Variants in GPR39 observed in about 807,000 individuals in gnomAD.
GPR39 encodes the protein G protein-coupled receptor 39.
GPR39 carries 23 observed loss-of-function variants against 18.4 expected under a neutral mutation model. The observed-to-expected ratio is 1.25, with a 90% CI of 0.90 to 1.77. The LOEUF is 1.77. GPR39 is among the 40% of genes most tolerant of loss of function. GPR39 has a pLI of 0.00. For synonymous variants in GPR39, 280 were observed against 257.9 expected (o/e 1.09, Z -0.82); for missense variants, 647 against 602.4 (o/e 1.07, Z -0.78).
intron 1 of GPR39, among the ~76,000 whole-genome samples, chr2:132,539,670 C>T (rs919637819): frequency 2.0e-5 from 3 of 152,110 alleles, no homozygotes; most frequent in African/African-American, 7.2e-5. Flanking sequence ...GGAGTGCTTG[C>T]CTGGGTGGTT....
intron 1 of GPR39, among the ~76,000 whole-genome samples, chr2:132,542,373 C>G (rs1030264053): frequency 1.6e-4 from 25 of 152,330 alleles, no homozygotes; most frequent in African/African-American, 6.0e-4. Flanking sequence ...CCCCACTCTA[C>G]CAGTAACTAT....
chr2:132,441,158 T>C (rs1680431256), intron 1 of GPR39, among the ~76,000 whole-genome samples: 2 of 152,208 alleles, frequency 1.3e-5, no homozygotes, highest in African/African-American at 4.8e-5. Context: ...CCAGCCTCTG[T>C]TCTGGGCCCA....
intron 1 of GPR39, among the ~76,000 whole-genome samples, chr2:132,622,028 G>A (rs113036155): frequency 2.0e-5 from 3 of 152,314 alleles, no homozygotes; most frequent in African/African-American, 7.2e-5. Context: ...GCCCCAGAGG[G>A]TACTCCTGCT....
chr2:132,428,168 C>CT (rs1367279463), intron 1 of GPR39, among the ~76,000 whole-genome samples: 4 of 151,960 alleles, frequency 2.6e-5, no homozygotes, highest in Non-Finnish European at 4.4e-5. Context: ...ATTATTGAAT[C>CT]TCTTACAAGC....
chr2:132,598,458 A>G (rs562032177), intron 1 of GPR39, among the ~76,000 whole-genome samples: 2 of 81,888 alleles, frequency 2.4e-5, no homozygotes, highest in East Asian at 4.8e-4. Flanking sequence ...TTTTTAAGCA[A>G]TGGGGTTTTT....
intron 1 of GPR39, among the ~76,000 whole-genome samples, chr2:132,545,655 C>CAT (rs374356735): frequency 1.3e-5 from 2 of 149,746 alleles, no homozygotes; most frequent in Non-Finnish European, 3.0e-5. Context: ...GTGTGATGGG[C>CAT]GTGTGTGTGT....
chr2:132,563,389 C>T (rs1184316170), intron 1 of GPR39, among the ~76,000 whole-genome samples: 1 of 152,096 alleles, frequency 6.6e-6, no homozygotes, highest in Non-Finnish European at 1.5e-5. Flanking sequence ...TTGAGGCCAG[C>T]CTGGGAAACA....
Position 132,646,135 on chromosome 2 carries a change from C to G in GPR39, c.*529C>G. 6.2e-7 allele frequency: 1 copy of G among 1,611,016 alleles called. No individual in the cohort carries two copies. Among genetic ancestry groups the G allele is most frequent in the Non-Finnish European group, 8.5e-7 (1 of 1,178,412 alleles). On this transcript the variant is annotated 3_prime_UTR_variant, in exon 2 of 2. Transcript: ENST00000329321. ...GGGCCGAGGCAGAACTTCCCCTTTT[C>G]TTGGGCCTTGGCCCGTTACAAAGAG... is the stretch of plus-strand genomic sequence containing the variant.
intron 1 of GPR39, among the ~76,000 whole-genome samples, chr2:132,446,181 T>G (rs2104767975): frequency 6.6e-6 from 1 of 152,318 alleles, no homozygotes. Context: ...ACATTTTTAT[T>G]GAGACTCTAT....
At chr2:132,597,015 G>T (rs1680961037) in intron 1 of GPR39, among the ~76,000 whole-genome samples, 1 of 152,194 alleles carries the variant, frequency 6.6e-6, no homozygotes, top group African/African-American at 2.4e-5. Flanking sequence ...TCAGTTCCCA[G>T]TGTGGGTCCT....
At chr2:132,473,804 C>T (rs1389729570) in intron 1 of GPR39, among the ~76,000 whole-genome samples, 1 of 152,124 alleles carries the variant, frequency 6.6e-6, no homozygotes, top group Non-Finnish European at 1.5e-5. Context: ...GGTTGTGGCA[C>T]TAATCTCTTC....
intron 1 of GPR39, among the ~76,000 whole-genome samples, chr2:132,529,288 C>T (rs186461067): frequency 0.017 from 2,586 of 152,256 alleles, 28 homozygotes; most frequent in Middle Eastern, 0.051. Context: ...AACTGCAAGG[C>T]GGCAGCGAGG....
intron 1 of GPR39, among the ~76,000 whole-genome samples, chr2:132,462,010 T>C (rs771170810): frequency 1.3e-5 from 2 of 152,200 alleles, no homozygotes; most frequent in East Asian, 1.9e-4. Flanking sequence ...AAGATTACCA[T>C]GGGCCCGTCT....
chr2:132,482,054 T>G (rs1436493652), intron 1 of GPR39, among the ~76,000 whole-genome samples: 1 of 152,162 alleles, frequency 6.6e-6, no homozygotes. Flanking sequence ...CTCTCAACAT[T>G]GTTGACGTCC....
At chr2:132,445,680 C>G (rs539716704) in intron 1 of GPR39, among the ~76,000 whole-genome samples, 1 of 117,578 alleles carries the variant, frequency 8.5e-6, no homozygotes, top group Non-Finnish European at 2.0e-5. Context: ...GTTTGCCATA[C>G]CTGTGATTTA....
At chr2:132,458,385 C>T (rs1310093426) in intron 1 of GPR39, among the ~76,000 whole-genome samples, 2 of 145,238 alleles carry the variant, frequency 1.4e-5, no homozygotes, top group Non-Finnish European at 3.0e-5. Flanking sequence ...ATTTCAAATT[C>T]TTCTATCTTA....
chr2:132,486,087 G>A (rs764897700), intron 1 of GPR39, among the ~76,000 whole-genome samples: 2 of 152,128 alleles, frequency 1.3e-5, no homozygotes, highest in African/African-American at 4.8e-5. Context: ...CATCTCCATC[G>A]GAGCTTTCAG....
chr2:132,505,849 G>A (rs762719230), intron 1 of GPR39, among the ~76,000 whole-genome samples: 19 of 152,134 alleles, frequency 1.2e-4, no homozygotes, highest in African/African-American at 1.9e-4. Flanking sequence ...CGCGAATTGC[G>A]CTGCAATAAA....
At chr2:132,475,681 A>G in intron 1 of GPR39, among the ~76,000 whole-genome samples, 1 of 152,138 alleles carries the variant, frequency 6.6e-6, no homozygotes, top group East Asian at 1.9e-4. Flanking sequence ...AAAATTTACC[A>G]CATGGAAAAG....
Sources: allele counts gnomAD v4.1 joint callset (sites outside exome capture counted in the v4.1 genomes callset), GRCh38; gene constraint gnomAD v4.1.1; transcripts MANE v1.5; gene names NCBI Gene and HGNC (gene_info 2026-07-23, HGNC 2026-07-21).